RBFOX1: variants seen among roughly 807,000 people sequenced by gnomAD.
RBFOX1 encodes the protein RNA binding fox-1 homolog 1.
Under a neutral mutation model 57.7 loss-of-function variants are expected in RBFOX1, and 8 were observed. The observed-to-expected ratio is 0.14, with a 90% CI of 0.08 to 0.25. RBFOX1 has a LOEUF of 0.25. Ranked by LOEUF, RBFOX1 falls within the 10% of genes least tolerant of loss-of-function variation. The probability of loss-of-function intolerance (pLI) is 1.00; values close to 1 mark genes in which losing one functional copy is unlikely to be tolerated. For synonymous variants in RBFOX1, 326 were observed against 222.4 expected (o/e 1.47, Z -4.15); for missense variants, 611 against 548.5 (o/e 1.11, Z -1.14).
intron 5 of RBFOX1, among the ~76,000 whole-genome samples, chr16:7,551,080 G>A (rs1223026519): frequency 7.4e-6 from 1 of 135,814 alleles, no homozygotes; most frequent in Non-Finnish European, 1.5e-5. Flanking sequence ...GGCAACAAGA[G>A]CGAGACTCAA....
At chr16:7,043,648 A>G (rs1045659059) in intron 3 of RBFOX1, among the ~76,000 whole-genome samples, 2 of 152,244 alleles carry the variant, frequency 1.3e-5, no homozygotes, top group Admixed American at 6.5e-5. Context: ...GTGATTCATA[A>G]TTGTCCTGAA....
chr16:7,654,014 G>C, intron 12 of RBFOX1, 67 bp downstream of exon 12: 1 of 1,426,414 alleles, frequency 7.0e-7, no homozygotes, highest in Non-Finnish European at 9.1e-7. Context: ...GCACGGAGCT[G>C]TTTGCGAGCG....
intron 2 of RBFOX1, among the ~76,000 whole-genome samples, chr16:6,534,565 A>C (rs947996945): frequency 2.6e-5 from 4 of 152,208 alleles, no homozygotes; most frequent in Non-Finnish European, 5.9e-5. Context: ...ATACAGGAGC[A>C]TTAATCACCA....
At chr16:7,096,686 C>T (rs1185381219) in intron 4 of RBFOX1, among the ~76,000 whole-genome samples, 3 of 152,004 alleles carry the variant, frequency 2.0e-5, no homozygotes, top group Non-Finnish European at 4.4e-5. Flanking sequence ...AATCCCAGCA[C>T]TTTGGGAGGC....
chr16:7,194,338 A>T (rs1322156659), intron 4 of RBFOX1, among the ~76,000 whole-genome samples: 12 of 152,216 alleles, frequency 7.9e-5, no homozygotes, highest in African/African-American at 2.9e-4. Context: ...CATTACTGAT[A>T]TCCAGTTGCC....
chr16:6,058,008 C>G (rs571421146), intron 1 of RBFOX1, among the ~76,000 whole-genome samples: 15 of 151,884 alleles, frequency 9.9e-5, no homozygotes, highest in African/African-American at 3.6e-4. Context: ...AAAGGCCTGA[C>G]CCGGGTTCTT....
intron 1 of RBFOX1, among the ~76,000 whole-genome samples, chr16:5,431,616 G>A (rs377104946): frequency 5.1e-4 from 77 of 152,082 alleles, no homozygotes; most frequent in African/African-American, 1.7e-3. Context: ...CTTGTGATCC[G>A]CCCGCCTCAG....
intron 2 of RBFOX1, among the ~76,000 whole-genome samples, chr16:6,543,223 A>G (rs1269903199): frequency 1.3e-5 from 2 of 152,160 alleles, no homozygotes; most frequent in Non-Finnish European, 2.9e-5. Flanking sequence ...TTAATGTTTA[A>G]CATTCTTTGG....
chr16:6,927,935 T>C (rs1198293259), intron 3 of RBFOX1, among the ~76,000 whole-genome samples: 1 of 152,154 alleles, frequency 6.6e-6, no homozygotes, highest in Non-Finnish European at 1.5e-5. Context: ...ATAATGGCAT[T>C]GGTCATAATC....
chr16:7,622,345 A>G (rs945565476), intron 10 of RBFOX1, among the ~76,000 whole-genome samples: 2 of 152,236 alleles, frequency 1.3e-5, no homozygotes, highest in African/African-American at 4.8e-5. Flanking sequence ...AAAGTTGAGC[A>G]GGATACCCAG....
intron 3 of RBFOX1, among the ~76,000 whole-genome samples, chr16:5,615,498 A>C (rs1237259528): frequency 3.3e-5 from 5 of 152,198 alleles, no homozygotes; most frequent in Non-Finnish European, 5.9e-5. Context: ...GCCTCTCCCC[A>C]TAGACATGAG....
intron 2 of RBFOX1, among the ~76,000 whole-genome samples, chr16:5,584,689 G>A (rs913681507): frequency 2.0e-5 from 3 of 152,150 alleles, no homozygotes. Context: ...GAGGAGGGCT[G>A]GGTATTGTTA....
At chr16:6,557,034 CACATATAT>C (rs1567671976) in intron 2 of RBFOX1, among the ~76,000 whole-genome samples, 40 of 71,050 alleles carry the variant, frequency 5.6e-4, no homozygotes, top group African/African-American at 2.0e-3. Flanking sequence ...TACATATATA[CACATATAT>C]ATACATATAT....
intron 1 of RBFOX1, among the ~76,000 whole-genome samples, chr16:5,306,679 G>T (rs185342822): frequency 1.3e-5 from 2 of 152,136 alleles, no homozygotes; most frequent in Non-Finnish European, 2.9e-5. Context: ...AATGCTCTGC[G>T]GAGCAAGGTA....
At chr16:6,161,463 C>T (rs939455076) in intron 1 of RBFOX1, among the ~76,000 whole-genome samples, 59 of 151,960 alleles carry the variant, frequency 3.9e-4, no homozygotes, top group Admixed American at 6.6e-4. Flanking sequence ...TTGGCTGGGG[C>T]AGCTGACTAA....
intron 4 of RBFOX1, among the ~76,000 whole-genome samples, chr16:7,098,546 C>A (rs2062085902): frequency 6.6e-6 from 1 of 152,156 alleles, no homozygotes; most frequent in African/African-American, 2.4e-5. Context: ...TGAAATGTAA[C>A]ACACACACAT....
chr16:6,109,431 C>T (rs1171274281), intron 1 of RBFOX1, among the ~76,000 whole-genome samples: 1 of 152,136 alleles, frequency 6.6e-6, no homozygotes, highest in African/African-American at 2.4e-5. Context: ...CCTGAAAAGC[C>T]TTTCTTATCA....
intron 1 of RBFOX1, among the ~76,000 whole-genome samples, chr16:5,447,451 C>T (rs1335511436): frequency 1.3e-5 from 2 of 151,412 alleles, no homozygotes. Flanking sequence ...AGTGCAGTGG[C>T]ATGCTTTCAG....
chr16:7,626,017 G>A (rs556036783), intron 10 of RBFOX1, among the ~76,000 whole-genome samples: 1 of 152,314 alleles, frequency 6.6e-6, no homozygotes, highest in South Asian at 2.1e-4. Context: ...GAAGAGAAAG[G>A]AAGCTGAACT....
Sources: gnomAD v4.1 joint callset for allele counts (sites outside exome capture counted in the v4.1 genomes callset) on GRCh38, gnomAD v4.1.1 for gene constraint, MANE v1.5 for transcripts, NCBI Gene and HGNC (gene_info 2026-07-23, HGNC 2026-07-21) for gene names.